LYRM4: variants seen among roughly 807,000 people sequenced by gnomAD.
LYRM4 encodes the protein LYR motif containing 4, also known as LYR motif-containing protein 4.
A neutral mutation model predicts 11.7 loss-of-function variants in LYRM4; 9 were observed. The ratio of observed to expected loss-of-function variants is 0.77; its 90% CI spans 0.46 to 1.34. The LOEUF (loss-of-function observed/expected upper bound fraction) is 1.34. Among genes scored for constraint, LYRM4 ranks in the 40% most tolerant of loss-of-function variants. The probability of loss-of-function intolerance (pLI) is 0.00; values close to 1 mark genes in which losing one functional copy is unlikely to be tolerated. For missense variants in LYRM4, 133 were observed against 112.5 expected (o/e 1.18, Z -0.82); for synonymous variants, 42 against 40.4 (o/e 1.04, Z -0.15).
At chr6:5,131,460 G>C (rs1763948710) in intron 2 of LYRM4, among the ~76,000 whole-genome samples, 1 of 152,240 alleles carries the variant, frequency 6.6e-6, no homozygotes, top group South Asian at 2.1e-4. Context: ...AGCAGTTTGG[G>C]AGGTAAAGGC....
chr6:5,081,576 G>A, the LYRM4 span, among the ~76,000 whole-genome samples: 1 of 152,172 alleles, frequency 6.6e-6, no homozygotes, highest in Non-Finnish European at 1.5e-5. Flanking sequence ...TCAAAGCTCA[G>A]TCCTGGGCCC....
At chr6:5,192,125 A>G (rs901254505) in intron 2 of LYRM4, among the ~76,000 whole-genome samples, 2 of 152,332 alleles carry the variant, frequency 1.3e-5, no homozygotes, top group Middle Eastern at 6.8e-3. Context: ...AGTACATCAG[A>G]AAAGGCAGTG....
intron 2 of LYRM4, among the ~76,000 whole-genome samples, chr6:5,178,279 A>C (rs146182662): frequency 6.6e-6 from 1 of 152,030 alleles, no homozygotes; most frequent in African/African-American, 2.4e-5. Flanking sequence ...CCACTATACT[A>C]CTCAATTTTC....
intron 2 of LYRM4, among the ~76,000 whole-genome samples, chr6:5,177,352 C>T (rs941377996): frequency 1.3e-5 from 2 of 152,220 alleles, no homozygotes; most frequent in Non-Finnish European, 2.9e-5. Flanking sequence ...TGGAGGAGTA[C>T]TGCACCCAAA....
At chr6:5,219,027 T>G (rs1047742265) in intron 1 of LYRM4, among the ~76,000 whole-genome samples, 18 of 152,236 alleles carry the variant, frequency 1.2e-4, no homozygotes, top group African/African-American at 4.3e-4. Context: ...GTTTATAACA[T>G]GAATTTACCT....
At chr6:5,059,583 G>T in the LYRM4 span, among the ~76,000 whole-genome samples, 1 of 152,072 alleles carries the variant, frequency 6.6e-6, no homozygotes, top group Non-Finnish European at 1.5e-5. Flanking sequence ...ACCTGGACAT[G>T]CCTGCTCTGC....
At position 5,230,844 on chromosome 6, in the gene LYRM4, A is replaced by G. The variant is rs76667723; in HGVS notation, c.87-14106T>C. ...GGAGAAAAGGGGACACGTATCAGTC[A>G]TCTACCTTCTTCTGGACACGTCATC... is the stretch of plus-strand genomic sequence containing the variant. On this transcript the variant is annotated intron_variant, in intron 1 of 2. Transcript: ENST00000330636. Among the ~76,000 whole-genome samples the G allele has an allele frequency of 6.0e-3, 915 of 152,348 alleles. 10 individuals carry two copies. The highest frequency in any genetic ancestry group is 0.044 in the South Asian group (211 of 4,832).
At chr6:5,180,819 T>C (rs905244351) in intron 2 of LYRM4, among the ~76,000 whole-genome samples, 1 of 152,208 alleles carries the variant, frequency 6.6e-6, no homozygotes, top group African/African-American at 2.4e-5. Context: ...CTCTCTCCCA[T>C]GTGCGCCAGA....
At chr6:5,156,689 G>GA (rs11455771) in intron 2 of LYRM4, among the ~76,000 whole-genome samples, 114,169 of 151,958 alleles carry the variant, frequency 0.75, 42,957 homozygotes, top group East Asian at 0.89. Flanking sequence ...TTATGCAACC[G>GA]AATCCAGATC....
chr6:5,049,838 T>G, the LYRM4 span, among the ~76,000 whole-genome samples: 2 of 152,116 alleles, frequency 1.3e-5, no homozygotes, highest in African/African-American at 2.4e-5. Flanking sequence ...CCTGGCTAAT[T>G]TTTGTATTTT....
intron 1 of LYRM4, among the ~76,000 whole-genome samples, chr6:5,222,764 G>GAAAA (rs56295961): frequency 2.1e-5 from 3 of 139,962 alleles, no homozygotes; most frequent in Admixed American, 7.1e-5. Context: ...AGCAAAACAA[G>GAAAA]AAAAAAAAAA....
intron 1 of LYRM4, among the ~76,000 whole-genome samples, chr6:5,238,806 T>G (rs764148317): frequency 3.3e-5 from 5 of 152,228 alleles, no homozygotes; most frequent in Admixed American, 6.5e-5. Flanking sequence ...CTGAATTTTA[T>G]AAGCAAATCC....
chr6:5,204,935 A>G (rs1246982877), intron 2 of LYRM4, among the ~76,000 whole-genome samples: 2 of 152,200 alleles, frequency 1.3e-5, no homozygotes, highest in African/African-American at 4.8e-5. Flanking sequence ...CCAGAAAGCA[A>G]GTCAGAGTCT....
the LYRM4 span, among the ~76,000 whole-genome samples, chr6:5,064,183 C>T: frequency 6.8e-5 from 10 of 146,728 alleles, no homozygotes; most frequent in African/African-American, 2.5e-4. Flanking sequence ...GGAATTTTAT[C>T]CCATCTGCTG....
the LYRM4 span, among the ~76,000 whole-genome samples, chr6:5,065,280 C>T: frequency 2.6e-5 from 4 of 151,984 alleles, no homozygotes; most frequent in South Asian, 4.2e-4. Context: ...AGGACATCTT[C>T]GTTGCTTCCA....
chr6:5,072,073 G>A, the LYRM4 span, among the ~76,000 whole-genome samples: 1 of 152,148 alleles, frequency 6.6e-6, no homozygotes, highest in Non-Finnish European at 1.5e-5. Flanking sequence ...GTGAGAACAT[G>A]CAGTATTTGG....
the LYRM4 span, among the ~76,000 whole-genome samples, chr6:5,080,168 C>T: frequency 2.6e-5 from 4 of 152,084 alleles, no homozygotes; most frequent in African/African-American, 7.2e-5. Context: ...ATGAAGGAGC[C>T]CAAGTTTGTA....
At chr6:5,066,579 G>T in the LYRM4 span, 2 of 988,088 alleles carry the variant, frequency 2.0e-6, no homozygotes, top group Non-Finnish European at 1.6e-6. Context: ...TTTTCCTAAG[G>T]ACTCCAAATG....
At chr6:5,078,240 T>C in the LYRM4 span, among the ~76,000 whole-genome samples, 50 of 144,992 alleles carry the variant, frequency 3.4e-4, no homozygotes, top group South Asian at 0.01. Flanking sequence ...GCTGGGTACT[T>C]TTTTTTTTTT....
Sources: allele counts gnomAD v4.1 joint callset (sites outside exome capture counted in the v4.1 genomes callset), GRCh38; gene constraint gnomAD v4.1.1; transcripts MANE v1.5; gene names NCBI Gene and HGNC (gene_info 2026-07-23, HGNC 2026-07-21).